Variants in MAP3K1 observed in about 807,000 individuals in gnomAD.
The protein encoded by MAP3K1 is mitogen-activated protein kinase kinase kinase 1.
Under a neutral mutation model 144.2 loss-of-function variants are expected in MAP3K1, and 36 were observed. That is an observed-to-expected ratio of 0.25 (90% confidence interval 0.19 to 0.33). MAP3K1 has a LOEUF of 0.33. Ranked by LOEUF, MAP3K1 falls within the 10% of genes least tolerant of loss-of-function variation. The probability of loss-of-function intolerance (pLI) is 1.00; values close to 1 mark genes in which losing one functional copy is unlikely to be tolerated. For synonymous variants in MAP3K1, 718 were observed against 688.7 expected (o/e 1.04, Z -0.67); for missense variants, 1,650 against 1,881.9 (o/e 0.88, Z 2.28).
At chr5:56,836,579 T>G (rs948372307) in intron 1 of MAP3K1, among the ~76,000 whole-genome samples, 2 of 152,206 alleles carry the variant, frequency 1.3e-5, no homozygotes, top group South Asian at 4.1e-4. Flanking sequence ...GTTTATCTTG[T>G]CTCTGCTTCG....
At chr5:56,886,181 A>G in intron 17 of MAP3K1, 118 bp downstream of exon 17, 1 of 795,440 alleles carries the variant, frequency 1.3e-6, no homozygotes, top group Non-Finnish European at 2.1e-6. Context: ...AGGCAGGTGG[A>G]TCACTTGAGG....
At chr5:56,849,835 C>T (rs907081422) in intron 1 of MAP3K1, among the ~76,000 whole-genome samples, 3 of 152,186 alleles carry the variant, frequency 2.0e-5, no homozygotes, top group Admixed American at 6.5e-5. Flanking sequence ...TATTCATTTT[C>T]CTTTTGTTCT....
intron 17 of MAP3K1, among the ~76,000 whole-genome samples, chr5:56,887,006 G>A (rs1280383683): frequency 3.3e-5 from 5 of 152,052 alleles, no homozygotes; most frequent in African/African-American, 4.8e-5. Flanking sequence ...CAAGCGACCC[G>A]CTTGCCTCAG....
intron 1 of MAP3K1, among the ~76,000 whole-genome samples, chr5:56,850,068 T>C (rs940789954): frequency 1.3e-5 from 2 of 152,246 alleles, no homozygotes; most frequent in Admixed American, 1.3e-4. Context: ...TGTTTCATTA[T>C]GCTCTCCCTA....
chr5:56,882,922 C>G (rs1168769248), intron 14 of MAP3K1, 56 bp downstream of exon 14: 1 of 1,376,746 alleles, frequency 7.3e-7, no homozygotes, highest in Non-Finnish European at 1.0e-6. Context: ...GGCACAGTGA[C>G]TCATACCTGG....
At chr5:56,831,831 G>A (rs988583337) in intron 1 of MAP3K1, among the ~76,000 whole-genome samples, 20 of 152,210 alleles carry the variant, frequency 1.3e-4, no homozygotes, top group African/African-American at 4.3e-4. Flanking sequence ...ACAGTTTACT[G>A]TGTCTGTTAA....
chr5:56,860,240 A>C (rs1747465453), intron 3 of MAP3K1, among the ~76,000 whole-genome samples: 1 of 152,242 alleles, frequency 6.6e-6, no homozygotes, highest in Non-Finnish European at 1.5e-5. Flanking sequence ...CCATTAAAGA[A>C]AAAAATGCCA....
chr5:56,892,976 T>TAAAA (rs1162696229), intron 19 of MAP3K1, among the ~76,000 whole-genome samples: 102,690 of 150,226 alleles, frequency 0.68, 36,712 homozygotes, highest in Non-Finnish European at 0.81. Flanking sequence ...TCTTTTTTTT[T>TAAAA]AAAAAAAAAG....
At chr5:56,829,034 T>C (rs1746405160) in intron 1 of MAP3K1, among the ~76,000 whole-genome samples, 1 of 152,208 alleles carries the variant, frequency 6.6e-6, no homozygotes, top group African/African-American at 2.4e-5. Context: ...TTCACTATTC[T>C]ATTATTTTGG....
At chr5:56,841,347 C>G (rs1470951605) in intron 1 of MAP3K1, among the ~76,000 whole-genome samples, 1 of 152,026 alleles carries the variant, frequency 6.6e-6, no homozygotes, top group African/African-American at 2.4e-5. Flanking sequence ...TAATACGTGC[C>G]TCTCTTAGTA....
intron 19 of MAP3K1, among the ~76,000 whole-genome samples, chr5:56,890,876 T>G (rs1693404733): frequency 6.7e-6 from 1 of 149,996 alleles, no homozygotes; most frequent in African/African-American, 2.5e-5. Context: ...AGACCCCATC[T>G]CTACCAAAAA....
chr5:56,871,003 CTAT>C (rs1172480836), intron 6 of MAP3K1, among the ~76,000 whole-genome samples: 1 of 152,122 alleles, frequency 6.6e-6, no homozygotes, highest in Admixed American at 6.5e-5. Context: ...TGTTACCAAT[CTAT>C]TATTTTTTAT....
intron 9 of MAP3K1, among the ~76,000 whole-genome samples, chr5:56,874,437 A>T (rs1747952337): frequency 6.6e-6 from 1 of 152,112 alleles, no homozygotes. Context: ...GAACACAAGC[A>T]TTTTTTCTTC....
At chr5:56,843,354 C>T (rs1202079544) in intron 1 of MAP3K1, among the ~76,000 whole-genome samples, 4 of 152,232 alleles carry the variant, frequency 2.6e-5, no homozygotes, top group Non-Finnish European at 2.9e-5. Flanking sequence ...ACCCACCAGT[C>T]CTGCCAGTAA....
chr5:56,847,525 G>A (rs1361466807), intron 1 of MAP3K1, among the ~76,000 whole-genome samples: 1 of 152,202 alleles, frequency 6.6e-6, no homozygotes, highest in Admixed American at 6.5e-5. Context: ...GAACCTGGGA[G>A]GTGGAGGCTG....
At chr5:56,820,684 C>G in intron 1 of MAP3K1, 1 of 985,310 alleles carries the variant, frequency 1.0e-6, no homozygotes, top group Non-Finnish European at 1.2e-6. Flanking sequence ...GGAAGAGAAA[C>G]TTTTACTATT....
chr5:56,872,027 A>G lies in MAP3K1; in HGVS notation c.1419A>G (p.Ser473=). ...CRNKLHHHCM[S]IWAEECRRNR... is the part of the protein sequence containing the mutation. The stretch of plus-strand genomic sequence containing the variant: ...ACAAGCTGCACCACCACTGCATGTC[A>G]ATTTGTATGTGGCTCTTTTTCTCCC... The change falls in exon 7 of 20, where the codon TCA becomes TCG. Residue 473 remains serine, a synonymous_variant. Coordinates refer to ENST00000399503, the MANE Select transcript of MAP3K1 (RefSeq NM_005921.2). 6.2e-7 allele frequency: 1 copy of G among 1,614,024 alleles called. No homozygotes were observed. The highest frequency in any genetic ancestry group is 8.5e-7 in the Non-Finnish European group (1 of 1,179,922).
chr5:56,878,046 T>G (rs935660789), intron 10 of MAP3K1, among the ~76,000 whole-genome samples: 6 of 152,240 alleles, frequency 3.9e-5, no homozygotes, highest in Non-Finnish European at 7.3e-5. Flanking sequence ...TGGGTACATA[T>G]GCCCATGGCT....
chr5:56,843,099 T>G (rs1337532010), intron 1 of MAP3K1, among the ~76,000 whole-genome samples: 1 of 152,218 alleles, frequency 6.6e-6, no homozygotes, highest in East Asian at 1.9e-4. Flanking sequence ...CCCCAGCCTG[T>G]TAAAATGGGG....
Sources: gnomAD v4.1 joint callset for allele counts (sites outside exome capture counted in the v4.1 genomes callset) on GRCh38, gnomAD v4.1.1 for gene constraint, MANE v1.5 for transcripts, NCBI Gene and HGNC (gene_info 2026-07-23, HGNC 2026-07-21) for gene names.